DLGAP2: variants seen among roughly 807,000 people sequenced by gnomAD.
DLGAP2 encodes the protein disks large-associated protein 2.
A neutral mutation model predicts 100.3 loss-of-function variants in DLGAP2; 26 were observed. That is an observed-to-expected ratio of 0.26 (90% confidence interval 0.19 to 0.36). DLGAP2 has a LOEUF of 0.36. Among genes scored for constraint, DLGAP2 ranks in the 10% least tolerant of loss-of-function variants. DLGAP2 has a pLI of 1.00. For missense variants in DLGAP2, 1,858 were observed against 1,453.2 expected (o/e 1.28, Z -4.53); for synonymous variants, 886 against 630.1 (o/e 1.41, Z -6.08).
intron 2 of DLGAP2, among the ~76,000 whole-genome samples, chr8:951,866 G>T (rs1799488219): frequency 2.6e-5 from 4 of 152,190 alleles, no homozygotes; most frequent in Admixed American, 6.5e-5. Flanking sequence ...CAACTGTTAA[G>T]AAACAATCAT....
At chr8:794,166 G>A (rs1323886262) in intron 1 of DLGAP2, among the ~76,000 whole-genome samples, 2 of 148,774 alleles carry the variant, frequency 1.3e-5, no homozygotes, top group Non-Finnish European at 3.0e-5. Context: ...TATGAGTGAG[G>A]TTGGGATGAG....
At chr8:1,666,521 A>T (rs185279965) in intron 8 of DLGAP2, among the ~76,000 whole-genome samples, 3 of 152,130 alleles carry the variant, frequency 2.0e-5, no homozygotes, top group African/African-American at 7.2e-5. Flanking sequence ...TCTCTATTAA[A>T]AATACAAAAT....
chr8:1,596,889 C>G (rs955599687), intron 6 of DLGAP2, among the ~76,000 whole-genome samples: 3 of 152,098 alleles, frequency 2.0e-5, no homozygotes, highest in Admixed American at 2.0e-4. Context: ...TTTGTCAATT[C>G]TGGCTTTTGT....
intron 6 of DLGAP2, among the ~76,000 whole-genome samples, chr8:1,574,835 C>T (rs965103657): frequency 6.6e-6 from 1 of 152,216 alleles, no homozygotes; most frequent in African/African-American, 2.4e-5. Flanking sequence ...GTGTGACAGG[C>T]ATCTCACTCT....
At chr8:1,076,620 G>A (rs368290167) in intron 2 of DLGAP2, among the ~76,000 whole-genome samples, 9 of 152,290 alleles carry the variant, frequency 5.9e-5, no homozygotes, top group East Asian at 1.9e-4. Context: ...GAAACTTTGC[G>A]GTCTGTACGT....
chr8:1,578,150 G>T (rs1803070713), intron 6 of DLGAP2, among the ~76,000 whole-genome samples: 1 of 152,164 alleles, frequency 6.6e-6, no homozygotes, highest in Admixed American at 6.5e-5. Context: ...AGCAGGAGCT[G>T]ACTGACAAAA....
At chr8:1,533,455 G>A (rs909852218) in intron 4 of DLGAP2, among the ~76,000 whole-genome samples, 1 of 151,910 alleles carries the variant, frequency 6.6e-6, no homozygotes, top group Non-Finnish European at 1.5e-5. Flanking sequence ...GCAGTGAGCC[G>A]AGATCGCGCC....
chr8:1,465,998 G>A (rs1798616961), intron 3 of DLGAP2, among the ~76,000 whole-genome samples: 1 of 152,342 alleles, frequency 6.6e-6, no homozygotes, highest in South Asian at 2.1e-4. Context: ...CAACGTTACA[G>A]CAGAGGCCGT....
At position 1,352,911 on chromosome 8, in the gene DLGAP2, C is replaced by T. The variant is rs150565567; in HGVS notation, c.106+94028C>T. Among the ~76,000 whole-genome samples the T allele has an allele frequency of 3.9e-3, 599 of 152,308 alleles. 6 individuals are homozygous for T. The highest frequency in any genetic ancestry group is 0.014 in the African/African-American group (572 of 41,570). On this transcript the variant is annotated intron_variant, in intron 3 of 14. Coordinates refer to ENST00000637795, the MANE Select transcript of DLGAP2 (RefSeq NM_001346810.2). Reference sequence around the variant, plus strand: ...AGAGCCTGAGAATGGGGCCTCCGGTCTTCCAGCTCAGCCTGCCATTGGGGT... The same window carrying T: ...AGAGCCTGAGAATGGGGCCTCCGGTTTTCCAGCTCAGCCTGCCATTGGGGT...
intron 1 of DLGAP2, among the ~76,000 whole-genome samples, chr8:798,089 A>G (rs1271433618): frequency 6.6e-6 from 1 of 152,208 alleles, no homozygotes; most frequent in East Asian, 1.9e-4. Context: ...CCCCTGTTGC[A>G]TCTTCACCAG....
intron 3 of DLGAP2, among the ~76,000 whole-genome samples, chr8:1,286,325 C>T (rs1379805535): frequency 2.6e-5 from 4 of 152,210 alleles, no homozygotes; most frequent in Non-Finnish European, 5.9e-5. Flanking sequence ...CTTTATAAAT[C>T]ACCCAGTTTG....
At chr8:1,195,298 C>G (rs1406767574) in intron 2 of DLGAP2, among the ~76,000 whole-genome samples, 1 of 152,190 alleles carries the variant, frequency 6.6e-6, no homozygotes, top group Admixed American at 6.5e-5. Context: ...CTTCCCTGCA[C>G]CCTCAGGAGC....
rs571051110 is a variant in DLGAP2 at position 1,145,177 on chromosome 8, C to T, written c.74-113674C>T. 2.0e-5 allele frequency among the ~76,000 whole-genome samples: 3 copies of T among 152,256 alleles called. No individual in the cohort carries two copies. The South Asian group carries it at 6.2e-4, about 32-fold the overall frequency. ...CAAAGCAACCAGAAACACAACTTTCCCCCCAGCCACCATCCAGAAACACAG... is the reference window on the plus strand; with the variant it reads ...CAAAGCAACCAGAAACACAACTTTCTCCCCAGCCACCATCCAGAAACACAG... On this transcript the variant is annotated intron_variant, in intron 2 of 14. Coordinates refer to ENST00000637795, the MANE Select transcript of DLGAP2 (RefSeq NM_001346810.2).
At chr8:1,024,974 G>A (rs986351516) in intron 2 of DLGAP2, among the ~76,000 whole-genome samples, 15 of 152,114 alleles carry the variant, frequency 9.9e-5, no homozygotes, top group South Asian at 8.3e-4. Context: ...TTTCGGGAGC[G>A]GCTGCCTTTT....
At chr8:1,044,366 C>G (rs148834826) in intron 2 of DLGAP2, among the ~76,000 whole-genome samples, 77 of 152,358 alleles carry the variant, frequency 5.1e-4, no homozygotes, top group African/African-American at 1.7e-3. Flanking sequence ...AAGCCCTGTC[C>G]TGTACACAGA....
intron 2 of DLGAP2, among the ~76,000 whole-genome samples, chr8:1,094,461 T>C (rs1311822513): frequency 6.6e-6 from 1 of 152,202 alleles, no homozygotes; most frequent in Non-Finnish European, 1.5e-5. Context: ...TGTGTTTTTC[T>C]GGGTGAAGAA....
chr8:1,136,427 T>C (rs62486832), intron 2 of DLGAP2, among the ~76,000 whole-genome samples: 16,328 of 152,240 alleles, frequency 0.11, 972 homozygotes, highest in East Asian at 0.23. Context: ...GCAGCAGATC[T>C]GGACAGCTCT....
At chr8:1,676,787 C>T (rs750340739) in intron 11 of DLGAP2, among the ~76,000 whole-genome samples, 169 bp downstream of exon 11, 12 of 152,192 alleles carry the variant, frequency 7.9e-5, no homozygotes, top group African/African-American at 1.2e-4. Flanking sequence ...AATTAACACC[C>T]GCCTATGTCT....
intron 1 of DLGAP2, among the ~76,000 whole-genome samples, chr8:890,842 C>G (rs182248980): frequency 7.9e-5 from 12 of 152,286 alleles, no homozygotes; most frequent in Admixed American, 7.8e-4. Context: ...CCCGACCCCC[C>G]TAAACTCTAG....
Sources: gnomAD v4.1 joint callset for allele counts (sites outside exome capture counted in the v4.1 genomes callset) on GRCh38, gnomAD v4.1.1 for gene constraint, MANE v1.5 for transcripts, NCBI Gene and HGNC (gene_info 2026-07-23, HGNC 2026-07-21) for gene names.